The following PLD5 variants were observed in gnomAD, a reference collection of about 807,000 sequenced individuals.
PLD5 encodes the protein phospholipase D family member 5, also known as inactive phospholipase D5.
PLD5 carries 36 observed loss-of-function variants against 61.1 expected under a neutral mutation model. The ratio of observed to expected loss-of-function variants is 0.59; its 90% CI spans 0.45 to 0.78. The LOEUF (loss-of-function observed/expected upper bound fraction) is 0.78, where lower values mean the gene tolerates loss of function less well. Among genes scored for constraint, PLD5 ranks in the 30% least tolerant of loss-of-function variants. PLD5 has a pLI of 0.00. For synonymous variants in PLD5, 243 were observed against 242.8 expected (o/e 1.00, Z -0.01); for missense variants, 515 against 644.4 (o/e 0.80, Z 2.17).
chr1:242,397,273 A>T lies in PLD5; in HGVS notation c.190-49031T>A, dbSNP rs1358985364. On this transcript the variant is annotated intron_variant, in intron 1 of 9. Coordinates refer to ENST00000536534, the MANE Select transcript of PLD5 (RefSeq NM_001372062.1). ...CGAACTTTACATGACTCTTCCTCCC[A>T]TAGGCTTCTTGGTTGATGGCAACTC... is the stretch of plus-strand genomic sequence containing the variant. 2.0e-5 allele frequency among the ~76,000 whole-genome samples: 3 copies of T among 151,784 alleles called. No individual in the cohort carries two copies. The East Asian group carries it at 5.8e-4, about 29-fold the overall frequency.
intron 1 of PLD5, among the ~76,000 whole-genome samples, chr1:242,496,149 G>A (rs533648060): frequency 4.0e-5 from 6 of 150,938 alleles, no homozygotes; most frequent in South Asian, 4.2e-4. Flanking sequence ...ACTGGATTAC[G>A]TTCCAACCAG....
At chr1:242,362,342 C>A (rs1272905247) in intron 1 of PLD5, among the ~76,000 whole-genome samples, 1 of 152,156 alleles carries the variant, frequency 6.6e-6, no homozygotes, top group Non-Finnish European at 1.5e-5. Context: ...AATCCAAAAT[C>A]TGTCTGTTTT....
intron 1 of PLD5, among the ~76,000 whole-genome samples, chr1:242,492,917 A>T (rs1318233606): frequency 1.3e-5 from 2 of 152,078 alleles, no homozygotes; most frequent in Admixed American, 6.5e-5. Flanking sequence ...ATCACCTCCC[A>T]AAGGCTCTAC....
At chr1:242,386,372 T>C (rs1045486733) in intron 1 of PLD5, among the ~76,000 whole-genome samples, 1 of 152,174 alleles carries the variant, frequency 6.6e-6, no homozygotes, top group Non-Finnish European at 1.5e-5. Context: ...ACAAGCTTAA[T>C]TAAGTGATCC....
intron 1 of PLD5, among the ~76,000 whole-genome samples, chr1:242,456,313 A>G (rs1666942545): frequency 6.6e-6 from 1 of 152,116 alleles, no homozygotes; most frequent in East Asian, 1.9e-4. Flanking sequence ...GTTTTAATTA[A>G]TTCAGATTAA....
At chr1:242,164,636 C>T (rs1666166105) in intron 5 of PLD5, among the ~76,000 whole-genome samples, 1 of 152,176 alleles carries the variant, frequency 6.6e-6, no homozygotes, top group Non-Finnish European at 1.5e-5. Context: ...CTGACAGATG[C>T]AATGGGTTGA....
intron 1 of PLD5, among the ~76,000 whole-genome samples, chr1:242,374,767 C>T (rs1661849859): frequency 6.6e-6 from 1 of 152,158 alleles, no homozygotes; most frequent in Admixed American, 6.5e-5. Context: ...AGATCTTACC[C>T]TTTTTGTCTA....
At chr1:242,274,123 A>G (rs1674270789) in intron 3 of PLD5, among the ~76,000 whole-genome samples, 1 of 152,274 alleles carries the variant, frequency 6.6e-6, no homozygotes, top group Admixed American at 6.5e-5. Flanking sequence ...AAGAGAATAC[A>G]GACATATAGA....
intron 1 of PLD5, among the ~76,000 whole-genome samples, chr1:242,362,301 A>T (rs1024090673): frequency 6.6e-6 from 1 of 152,168 alleles, no homozygotes; most frequent in African/African-American, 2.4e-5. Context: ...AAACAGTAGG[A>T]GACAGTCTGG....
At chr1:242,404,776 C>A (rs186169557) in intron 1 of PLD5, among the ~76,000 whole-genome samples, 19 of 150,264 alleles carry the variant, frequency 1.3e-4, no homozygotes, top group Non-Finnish European at 2.7e-4. Flanking sequence ...AGTTTCCAAA[C>A]CCCTAATATC....
Position 242,394,304 on chromosome 1 carries a change from G to GTA in PLD5, c.190-46064_190-46063dup, listed in dbSNP as rs796894021. On this transcript the variant is annotated intron_variant, in intron 1 of 9. Coordinates refer to ENST00000536534, the MANE Select transcript of PLD5 (RefSeq NM_001372062.1). ...TGTATATATATGAGTATATATATGA[G>GTA]TATATATGTGTGTATATATGAGTAT... Among the ~76,000 whole-genome samples, 113 of 74,244 alleles carry GTA rather than the reference G, an allele frequency of 1.5e-3. 5 individuals are homozygous for GTA. The highest frequency in any genetic ancestry group is 2.4e-3 in the Non-Finnish European group (97 of 40,868). 48.7% of individuals were successfully genotyped at this position (74,244 alleles called of 152,430 possible). A position where few individuals can be genotyped will look rare whatever the true frequency, so the allele number is the denominator to read the frequency against.
intron 1 of PLD5, among the ~76,000 whole-genome samples, chr1:242,350,036 G>A (rs1383035687): frequency 6.6e-6 from 1 of 151,804 alleles, no homozygotes; most frequent in Non-Finnish European, 1.5e-5. Context: ...GCATCATAGT[G>A]AGACTTTGTC....
intron 5 of PLD5, among the ~76,000 whole-genome samples, chr1:242,194,861 T>C (rs76778916): frequency 0.012 from 1,753 of 152,054 alleles, 33 homozygotes; most frequent in African/African-American, 0.038. Flanking sequence ...ACAATAGAAT[T>C]TGGGGACTCA....
intron 5 of PLD5, among the ~76,000 whole-genome samples, chr1:242,193,562 A>C (rs1668418504): frequency 6.6e-6 from 1 of 152,232 alleles, no homozygotes; most frequent in Non-Finnish European, 1.5e-5. Context: ...AGACAAAAGG[A>C]GGCATTTGTC....
intron 3 of PLD5, among the ~76,000 whole-genome samples, chr1:242,285,744 T>G (rs907792041): frequency 6.6e-6 from 1 of 151,780 alleles, no homozygotes; most frequent in African/African-American, 2.4e-5. Context: ...GATTACAAGT[T>G]TTTGAAGTAC....
In PLD5 at chr1:242,386,651, T is replaced by C. The variant is rs1662617761; in HGVS notation, c.190-38409A>G. Among the ~76,000 whole-genome samples the C allele has an allele frequency of 2.0e-5, 3 of 152,198 alleles. No homozygotes were observed. The South Asian group carries it at 6.2e-4, about 32-fold the overall frequency. On this transcript the variant is annotated intron_variant, in intron 1 of 9. Coordinates refer to ENST00000536534, the MANE Select transcript of PLD5 (RefSeq NM_001372062.1). ...GAAGTCAACACCATAAAAATAAGTG[T>C]ATCAGAACTTCTCTAGAACAGGCTA... is the stretch of plus-strand genomic sequence containing the variant.
rs767869905 is a variant in PLD5, at chr1:242,419,572, A to AT, written c.190-71331dup. On this transcript the variant is annotated intron_variant, in intron 1 of 9. Transcript: ENST00000536534. ...CACTACACCCGGCTAAATTTTTTGC[A>AT]TTTTTTTTTTTTTTTTTTTTTTAGT... Among the ~76,000 whole-genome samples the AT allele has an allele frequency of 6.1e-3, 591 of 97,078 alleles. 8 individuals are homozygous for AT. The highest frequency in any genetic ancestry group is 0.014 in the East Asian group (45 of 3,328). The allele number at this position is 97,078 out of a possible 152,430, so 63.7% of individuals were successfully genotyped here. A position where few individuals can be genotyped will look rare whatever the true frequency, so the allele number is the denominator to read the frequency against.
At chr1:242,411,526 C>T (rs1050227487) in intron 1 of PLD5, among the ~76,000 whole-genome samples, 6 of 152,232 alleles carry the variant, frequency 3.9e-5, no homozygotes, top group Non-Finnish European at 8.8e-5. Context: ...TGAGCCACCA[C>T]ACCTGGCCTG....
intron 5 of PLD5, among the ~76,000 whole-genome samples, chr1:242,207,810 T>TTA (rs1403885337): frequency 0.046 from 1,708 of 37,126 alleles, 282 homozygotes; most frequent in South Asian, 0.076. Context: ...TTATATATAT[T>TTA]TATATTTATA....
Sources: allele counts gnomAD v4.1 joint callset (sites outside exome capture counted in the v4.1 genomes callset), GRCh38; gene constraint gnomAD v4.1.1; transcripts MANE v1.5; gene names NCBI Gene and HGNC (gene_info 2026-07-23, HGNC 2026-07-21).